The following INPP5D variants were observed in gnomAD, a reference collection of about 807,000 sequenced individuals.
INPP5D encodes phosphatidylinositol 3,4,5-trisphosphate 5-phosphatase 1.
In INPP5D, 33 loss-of-function variants were observed where a neutral mutation model predicts 122.9. The observed-to-expected ratio is 0.27, with a 90% CI of 0.20 to 0.36. The LOEUF (loss-of-function observed/expected upper bound fraction) is 0.36. Ranked by LOEUF, INPP5D falls within the 10% of genes least tolerant of loss-of-function variation. The pLI is 1.00. For missense variants in INPP5D, 1,053 were observed against 1,412.7 expected, an observed-to-expected ratio of 0.75 and a Z score of 4.08; for synonymous variants, 584 against 576.2, an observed-to-expected ratio of 1.01 and a Z score of -0.19.
At chr2:233,192,106 G>C (rs762191456) in intron 22 of INPP5D, among the ~76,000 whole-genome samples, 8 of 152,196 alleles carry the variant, frequency 5.3e-5, no homozygotes, top group Non-Finnish European at 7.3e-5. Context: ...TCCCCAAGCT[G>C]CAGGAGGGGT....
At chr2:233,127,411 A>G (rs1693193604) in intron 4 of INPP5D, among the ~76,000 whole-genome samples, 1 of 152,170 alleles carries the variant, frequency 6.6e-6, no homozygotes, top group African/African-American at 2.4e-5. Flanking sequence ...AAATCAGTCT[A>G]TTTCGCTTGT....
Position 233,163,720 on chromosome 2 carries a change from T to TC in INPP5D, c.1257dup (p.Lys420GlnfsTer26). ...TTGCTGTTGAAGGTAACGCCCCCCC[T>TC]CCCAAGAAGATCACGTCCTGGTTTC... is the stretch of plus-strand genomic sequence containing the variant. On this transcript the variant is annotated frameshift_variant, in exon 12 of 27. Transcript: ENST00000445964. LOFTEE classifies it high-confidence loss of function. The TC allele has an allele frequency of 6.2e-7, 1 of 1,613,634 alleles. No individual in the cohort carries two copies. The highest frequency in any genetic ancestry group is 8.5e-7 in the Non-Finnish European group (1 of 1,179,816).
In INPP5D at chr2:233,189,261, G is replaced by A. The variant is rs973074768; in HGVS notation, c.2359-589G>A. On this transcript the variant is annotated intron_variant, in intron 21 of 26. Coordinates refer to ENST00000445964, the MANE Select transcript of INPP5D (RefSeq NM_001017915.3). The surrounding 1 kb of genome is among the most constrained non-coding windows in gnomAD (Gnocchi z 5.6). ...ATGTGGGAGCCTGTGTCTGTCATTC[G>A]CTGAGCCACACCCCCAACAATCGGT... Among the ~76,000 whole-genome samples, 7 of 152,164 alleles carry A rather than the reference G, an allele frequency of 4.6e-5. No individual in the cohort carries two copies. The highest frequency in any genetic ancestry group is 1.4e-4 in the African/African-American group (6 of 41,438).
chr2:233,117,904 T>A (rs1692850564), intron 2 of INPP5D, among the ~76,000 whole-genome samples: 1 of 152,082 alleles, frequency 6.6e-6, no homozygotes, highest in Non-Finnish European at 1.5e-5. Context: ...TGACCATCCC[T>A]CCTCCTGGCT....
intron 18 of INPP5D, 46 bp from the exon 19 acceptor site, chr2:233,182,364 A>G (rs1374516302): frequency 1.2e-6 from 2 of 1,610,368 alleles, no homozygotes; most frequent in Non-Finnish European, 1.7e-6. Flanking sequence ...GCCTGACCGG[A>G]AGGGCTTCTC....
At chr2:233,133,827 C>T in intron 5 of INPP5D, among the ~76,000 whole-genome samples, 1 of 152,044 alleles carries the variant, frequency 6.6e-6, no homozygotes, top group East Asian at 1.9e-4. Context: ...TGTGGTTGTC[C>T]AAGTGAGACA....
chr2:233,070,583 A>G (rs1280691579), intron 1 of INPP5D, among the ~76,000 whole-genome samples: 1 of 152,058 alleles, frequency 6.6e-6, no homozygotes, highest in African/African-American at 2.4e-5. Flanking sequence ...CTGGGATTAC[A>G]GGCTCCCGCC....
At chr2:233,135,171 C>A (rs1693433988) in intron 5 of INPP5D, among the ~76,000 whole-genome samples, 1 of 146,842 alleles carries the variant, frequency 6.8e-6, no homozygotes. Context: ...ATACAACAAT[C>A]AAACAGCAAC....
In INPP5D at chr2:233,198,048, G is replaced by A. The variant is rs139849394; in HGVS notation, c.2694-47G>A. The A allele has an allele frequency of 6.1e-4, 914 of 1,499,200 alleles. 11 individuals are homozygous for A. The African/African-American group carries it at 0.011, about 19-fold the overall frequency. 92.9% of individuals were successfully genotyped at this position (1,499,200 alleles called of 1,614,324 possible). A position where few individuals can be genotyped will look rare whatever the true frequency, so the allele number is the denominator to read the frequency against. ...CTTTCCTTGGGCTGGTGCTGACCCCGAGAAGGGAAGGGACCCCTGAGATGT... is the reference window on the plus strand; with the variant it reads ...CTTTCCTTGGGCTGGTGCTGACCCCAAGAAGGGAAGGGACCCCTGAGATGT... On this transcript the variant is annotated intron_variant, in intron 24 of 26. Transcript: ENST00000445964.
chr2:233,204,767 C>T lies in INPP5D; in HGVS notation c.3567+50C>T, dbSNP rs756687702. On this transcript the variant is annotated intron_variant, in intron 26 of 26. Transcript: ENST00000445964. ...GTGTGCATTTGTGTGTGTGTGCATG[C>T]GTGAGTGCGTATGTGTGTACCTATG... 10 of 1,422,342 alleles carry T rather than the reference C, an allele frequency of 7.0e-6. No individual in the cohort carries two copies. The Admixed American group carries it at 1.1e-4, about 15-fold the overall frequency. 88.1% of individuals were successfully genotyped at this position (1,422,342 alleles called of 1,614,324 possible).
At chr2:233,191,119 A>G (rs1238273794) in intron 22 of INPP5D, among the ~76,000 whole-genome samples, 1 of 152,172 alleles carries the variant, frequency 6.6e-6, no homozygotes, top group Non-Finnish European at 1.5e-5. Flanking sequence ...AAGAGGTGTA[A>G]TTGACTCACA....
chr2:233,101,676 ATAT>A (rs202020078), intron 2 of INPP5D, among the ~76,000 whole-genome samples: 6,284 of 145,734 alleles, frequency 0.043, 175 homozygotes, highest in East Asian at 0.16. Context: ...TATATATTAC[ATAT>A]TATATAAGTA....
At chr2:233,115,193 G>A (rs924757694) in intron 2 of INPP5D, among the ~76,000 whole-genome samples, 5 of 152,094 alleles carry the variant, frequency 3.3e-5, no homozygotes, top group African/African-American at 2.4e-5. Flanking sequence ...ATACTGTCCC[G>A]CCACTGGTAA....
At chr2:233,120,013 C>CAGGTG (rs1223520385) in intron 2 of INPP5D, among the ~76,000 whole-genome samples, 1 of 152,246 alleles carries the variant, frequency 6.6e-6, no homozygotes, top group Non-Finnish European at 1.5e-5. Flanking sequence ...CAGATGCCAC[C>CAGGTG]TGCTCACCAA....
chr2:233,200,637 A>G (rs1313509063), intron 25 of INPP5D, among the ~76,000 whole-genome samples: 1 of 152,104 alleles, frequency 6.6e-6, no homozygotes, highest in Non-Finnish European at 1.5e-5. Context: ...TGACAGTCTC[A>G]TTTCTCAAAA....
At chr2:233,086,876 T>C (rs1691866315) in intron 2 of INPP5D, among the ~76,000 whole-genome samples, 1 of 152,190 alleles carries the variant, frequency 6.6e-6, no homozygotes, top group Non-Finnish European at 1.5e-5. Context: ...ACACAGTCTC[T>C]GGGTCTTCCT....
rs114101687 is a variant in INPP5D at position 233,070,139 on chromosome 2, C to T, written c.135-9196C>T. ...TCTTTCGTGAATGGTCTGTTCAATT[C>T]TCTTTGCCATTTTTCTATCGAAGCT... On this transcript the variant is annotated intron_variant, in intron 1 of 26. Transcript: ENST00000445964. Among the ~76,000 whole-genome samples, 1,175 of 152,310 alleles carry T rather than the reference C, an allele frequency of 7.7e-3. 13 individuals carry two copies. Among genetic ancestry groups the T allele is most frequent in the African/African-American group, 0.027 (1,124 of 41,560 alleles).
rs530151798 is a variant in INPP5D at position 233,182,661 on chromosome 2, A to G, written c.2161+162A>G. On this transcript the variant is annotated intron_variant, in intron 19 of 26. Transcript: ENST00000445964. ...TTCTTCATGTCCCAGCCACAGCACA[A>G]TTGCAGTCCAGAGAATTTACTTGCT... Among the ~76,000 whole-genome samples, 87 of 152,192 alleles carry G rather than the reference A, an allele frequency of 5.7e-4. 1 individual carries two copies. The highest frequency in any genetic ancestry group is 4.1e-3 in the South Asian group (20 of 4,824).
chr2:233,077,889 A>C (rs939874705), intron 1 of INPP5D, among the ~76,000 whole-genome samples: 3 of 152,104 alleles, frequency 2.0e-5, no homozygotes, highest in Non-Finnish European at 2.9e-5. Flanking sequence ...CTAGTTAAAC[A>C]AAACATACCA....
Sources: gnomAD v4.1 joint callset for allele counts (sites outside exome capture counted in the v4.1 genomes callset) on GRCh38, gnomAD v4.1.1 for gene constraint, Gnocchi (gnomAD v3.1) non-coding constraint, MANE v1.5 for transcripts, NCBI Gene and HGNC (gene_info 2026-07-23, HGNC 2026-07-21) for gene names.